The following TBL1Y variants were observed in gnomAD, a reference collection of about 807,000 sequenced individuals.
TBL1Y encodes the protein F-box-like/WD repeat-containing protein TBL1Y.
A neutral mutation model predicts 12.0 loss-of-function variants in TBL1Y; 15 were observed. The observed-to-expected ratio is 1.25, with a 90% CI of 0.83 to 1.92. The LOEUF is 1.92. Ranked by LOEUF, TBL1Y falls within the 40% of genes most tolerant of loss-of-function variation. The pLI is 0.00. For missense variants in TBL1Y, 148 were observed against 116.7 expected (o/e 1.27, Z -1.24); for synonymous variants, 53 against 42.6 (o/e 1.24, Z -0.95).
At chrY:7,060,043 C>CA (rs529887542) in intron 7 of TBL1Y, among the ~76,000 whole-genome samples, 1,561 of 33,339 alleles carry the variant, frequency 0.047, no homozygotes, top group Middle Eastern at 0.38. Flanking sequence ...GTCCAGTTCA[C>CA]AAAAAAACTG....
rs1290702867 is a variant in TBL1Y, at chrY:7,090,183, A to G, written c.1541A>G (p.Asp514Gly). 1.0e-5 allele frequency: 4 copies of G among 394,626 alleles called. No individual in the cohort carries two copies. The African/African-American group carries it at 2.5e-4, about 25-fold the overall frequency. ...GATAAAGTGGGCGCCAGCGCGTCTG[A>G]TGGCTCTGTAAGCAACACCTCTGGT... ...RGDKVGASAS[D>G]GSVCVLDL The change falls in exon 18 of 19, where the codon GAT becomes GGT. Residue 514 changes from aspartate (D) to glycine (G), a missense_variant. By Grantham distance (94) the Asp-to-Gly change is moderately conservative. Coordinates refer to ENST00000383032, the MANE Select transcript of TBL1Y (RefSeq NM_033284.2).
intron 2 of TBL1Y, among the ~76,000 whole-genome samples, chrY:6,923,054 G>T (rs2011794434): frequency 2.9e-5 from 1 of 34,037 alleles, no homozygotes; most frequent in Non-Finnish European, 7.4e-5. Flanking sequence ...CCTTGAGCGT[G>T]GCCAGAGTGG....
chrY:6,938,460 C>T, intron 2 of TBL1Y, among the ~76,000 whole-genome samples: 1 of 33,735 alleles, frequency 3.0e-5, no homozygotes, highest in African/African-American at 1.2e-4. Context: ...CTTTTTCTGG[C>T]TCCTGGAGGC....
intron 7 of TBL1Y, 66 bp from the exon 8 acceptor site, chrY:7,063,831 G>C: frequency 2.6e-6 from 1 of 385,893 alleles, no homozygotes; most frequent in East Asian, 9.3e-5. Flanking sequence ...TGCCCAGAGA[G>C]TAGAGACCAT....
intron 4 of TBL1Y, among the ~76,000 whole-genome samples, chrY:7,010,636 C>A: frequency 8.8e-5 from 3 of 34,016 alleles, no homozygotes; most frequent in African/African-American, 3.4e-4. Context: ...AGAATTATAG[C>A]ATGGAAACAG....
At chrY:7,014,258 G>A in intron 4 of TBL1Y, among the ~76,000 whole-genome samples, 3 of 31,908 alleles carry the variant, frequency 9.4e-5, no homozygotes, top group African/African-American at 3.7e-4. Context: ...AGATTTGGTC[G>A]TTTAAAAGTG....
chrY:6,943,268 C>T, intron 2 of TBL1Y, among the ~76,000 whole-genome samples: 1 of 32,956 alleles, frequency 3.0e-5, no homozygotes, highest in Admixed American at 2.7e-4. Context: ...GATTTTATAG[C>T]TGGGGAGCAG....
At chrY:6,953,772 A>G in intron 2 of TBL1Y, among the ~76,000 whole-genome samples, 2 of 32,732 alleles carry the variant, frequency 6.1e-5, no homozygotes, top group African/African-American at 2.4e-4. Context: ...TAGAGTTTCC[A>G]GTTTTTGTGT....
intron 4 of TBL1Y, among the ~76,000 whole-genome samples, chrY:7,017,859 A>G (rs2012560870): frequency 5.9e-5 from 2 of 33,789 alleles, no homozygotes; most frequent in African/African-American, 1.2e-4. Context: ...TGGCTCGCAT[A>G]TGCCTAGGTC....
intron 3 of TBL1Y, among the ~76,000 whole-genome samples, chrY:6,983,372 T>G (rs2012297338): frequency 3.0e-5 from 1 of 33,411 alleles, no homozygotes; most frequent in Admixed American, 2.7e-4. Flanking sequence ...CCTCTGGCAC[T>G]ATAGTACCAT....
At chrY:6,969,877 A>G in intron 2 of TBL1Y, among the ~76,000 whole-genome samples, 2 of 32,634 alleles carry the variant, frequency 6.1e-5, no homozygotes, top group Admixed American at 5.7e-4. Context: ...TTTTAGGTGT[A>G]TAATTCAACA....
chrY:6,991,383 C>G, intron 3 of TBL1Y, among the ~76,000 whole-genome samples: 1 of 32,832 alleles, frequency 3.0e-5, no homozygotes, highest in South Asian at 7.1e-4. Context: ...AAGGATGGCC[C>G]CTGATTGGGT....
rs77259694 is a variant in TBL1Y, at chrY:7,064,150, G to C, written c.457+1G>C. 276 of 396,552 alleles carry C rather than the reference G, an allele frequency of 7.0e-4. No individual in the cohort carries two copies. The East Asian group carries it at 0.011, about 16-fold the overall frequency. ...GAAGAGAATGGAGCACATGAAATCA[G>C]TGAGTGCGCAGGCTCTGGAAGTTTG... is the stretch of plus-strand genomic sequence containing the variant. On this transcript the variant is annotated splice_donor_variant, in intron 8 of 18. Transcript: ENST00000383032. LOFTEE classifies it high-confidence loss of function.
intron 7 of TBL1Y, among the ~76,000 whole-genome samples, chrY:7,045,513 A>G: frequency 3.0e-5 from 1 of 33,445 alleles, no homozygotes; most frequent in East Asian, 8.1e-4. Context: ...TGTGATCCTT[A>G]TAAATATTTA....
At chrY:7,018,172 T>C in intron 4 of TBL1Y, among the ~76,000 whole-genome samples, 1 of 33,980 alleles carries the variant, frequency 2.9e-5, no homozygotes. Flanking sequence ...CATTTTCTTC[T>C]GATTTTTCAC....
intron 7 of TBL1Y, among the ~76,000 whole-genome samples, chrY:7,045,494 C>A: frequency 3.0e-5 from 1 of 33,663 alleles, no homozygotes; most frequent in Non-Finnish European, 7.4e-5. Context: ...CTCATTCCCC[C>A]CTAAGAAATG....
chrY:7,036,837 T>C (rs2124159544), intron 6 of TBL1Y, among the ~76,000 whole-genome samples: 7 of 33,226 alleles, frequency 2.1e-4, no homozygotes, highest in Admixed American at 1.7e-3. Context: ...TGGAAGGCCA[T>C]TCTGAGGTGA....
At chrY:7,064,408 A>C in intron 8 of TBL1Y, among the ~76,000 whole-genome samples, 1 of 33,002 alleles carries the variant, frequency 3.0e-5, no homozygotes, top group South Asian at 7.0e-4. Context: ...CTCTCCTATA[A>C]TACATGGTTA....
chrY:6,963,849 T>A lies in TBL1Y; in HGVS notation c.-265-14364T>A. ...AAACCCTGAGGAACAAATGGCTGAA[T>A]CAGGAATGCCCCACTTTGTTGCGGG... On this transcript the variant is annotated intron_variant, in intron 2 of 18. Transcript: ENST00000383032. Among the ~76,000 whole-genome samples, 4 of 34,117 alleles carry A rather than the reference T, an allele frequency of 1.2e-4. No homozygotes were observed. The South Asian group carries it at 2.6e-3, about 22-fold the overall frequency. 91.5% of individuals were successfully genotyped at this position (34,117 alleles called of 37,273 possible).
Sources: allele counts gnomAD v4.1 joint callset (sites outside exome capture counted in the v4.1 genomes callset), GRCh38; gene constraint gnomAD v4.1.1; transcripts MANE v1.5; gene names NCBI Gene and HGNC (gene_info 2026-07-23, HGNC 2026-07-21).